Variants in FKBP6 observed in about 807,000 individuals in gnomAD.
FKBP6 encodes FKBP prolyl isomerase family member 6 (inactive).
A neutral mutation model predicts 41.7 loss-of-function variants in FKBP6; 29 were observed. The ratio of observed to expected loss-of-function variants is 0.70; its 90% CI spans 0.52 to 0.95. The LOEUF (loss-of-function observed/expected upper bound fraction) is 0.95. FKBP6 is among the 40% of genes least tolerant of loss of function. FKBP6 has a pLI of 0.00. For synonymous variants in FKBP6, 130 were observed against 165.1 expected, an observed-to-expected ratio of 0.79 and a Z score of 1.63; for missense variants, 338 against 408.7, an observed-to-expected ratio of 0.83 and a Z score of 1.49.
Position 73,340,669 on chromosome 7 carries a change from C to T in FKBP6, c.620C>T (p.Pro207Leu), listed in dbSNP as rs1324624200. Residue 207 changes from proline to leucine, a missense_variant, in exon 6 of 9, where the codon CCC becomes CTC. Physicochemically the swap from Pro to Leu is moderately conservative, Grantham distance 98. Transcript: ENST00000252037. ...TTGCTTCTGCGCCGGCGATCAGCAC[C>T]CCCTGAAGAGCAGCACCTGGTGGAG... The part of the protein sequence containing the change: ...ALLLLRRRSA[P>L]PEEQHLVEAA... 19 of 1,613,702 alleles carry T rather than the reference C, an allele frequency of 1.2e-5. No individual in the cohort carries two copies. Among genetic ancestry groups the T allele is most frequent in the Non-Finnish European group, 1.6e-5 (19 of 1,180,012 alleles).
chr7:73,356,356 A>G (rs1196092652), intron 8 of FKBP6, among the ~76,000 whole-genome samples: 1 of 152,168 alleles, frequency 6.6e-6, no homozygotes, highest in Non-Finnish European at 1.5e-5. Context: ...GTGACAGTCA[A>G]AGTCCTATCA....
intron 5 of FKBP6, 60 bp from the exon 6 acceptor site, chr7:73,340,578 T>C: frequency 7.0e-7 from 1 of 1,431,274 alleles, no homozygotes; most frequent in Non-Finnish European, 9.8e-7. Context: ...GTGTGGATTC[T>C]TTAGGGTTTT....
chr7:73,334,664 C>T (rs535041950), intron 5 of FKBP6, among the ~76,000 whole-genome samples: 2 of 152,130 alleles, frequency 1.3e-5, no homozygotes, highest in Non-Finnish European at 2.9e-5. Context: ...TGTTCTTCCC[C>T]TCCCTAGCAT....
At chr7:73,329,168 A>G (rs1163747247) in intron 2 of FKBP6, among the ~76,000 whole-genome samples, 192 bp from the exon 3 acceptor site, 1 of 152,114 alleles carries the variant, frequency 6.6e-6, no homozygotes, top group Non-Finnish European at 1.5e-5. Context: ...ATGCTTCCGC[A>G]AAGCTCTTGA....
chr7:73,346,371 G>A (rs1200261787), intron 8 of FKBP6, among the ~76,000 whole-genome samples: 1 of 152,200 alleles, frequency 6.6e-6, no homozygotes, highest in Non-Finnish European at 1.5e-5. Context: ...TGCAGGGATT[G>A]GGGGTCTAAA....
Position 73,341,282 on chromosome 7 carries a change from C to G in FKBP6, c.793C>G (p.Leu265Val). ...TCTCTCCTTGGGACAGGCTTGTCTT[C>G]TCCTGACTGAGTATCAAAAGGCCCG... ...ALFRCGQACL[L>V]LTEYQKARDF... Residue 265 changes from leucine (L) to valine (V), a missense_variant, in exon 7 of 9, where the codon CTC (leucine) becomes GTC (valine). Transcript: ENST00000252037. 1 of 1,609,328 alleles carries G rather than the reference C, an allele frequency of 6.2e-7. No individual in the cohort carries two copies.
rs529042875 is a variant in FKBP6 at position 73,343,607 on chromosome 7, C to T, written c.*2+708C>T. 9.9e-5 allele frequency among the ~76,000 whole-genome samples: 15 copies of T among 152,246 alleles called. No individual in the cohort carries two copies. In the South Asian group the frequency reaches 2.9e-3, roughly 29 times the overall value. On this transcript the variant is annotated intron_variant, in intron 8 of 8. Transcript: ENST00000252037. Reference sequence around the variant, plus strand: ...CTTAGAGATTTGAAGATGCTGAAAGCAACAGGGAGCGGAATATAGCATTCC... The same window carrying T: ...CTTAGAGATTTGAAGATGCTGAAAGTAACAGGGAGCGGAATATAGCATTCC...
intron 8 of FKBP6, among the ~76,000 whole-genome samples, chr7:73,357,100 C>G (rs1312514362): frequency 6.6e-6 from 1 of 151,866 alleles, no homozygotes; most frequent in Non-Finnish European, 1.5e-5. Flanking sequence ...ATGTCTTATT[C>G]AGAGCCTGAT....
At chr7:73,331,935 C>G (rs1554547768) in intron 5 of FKBP6, among the ~76,000 whole-genome samples, 159 bp downstream of exon 5, 1 of 152,114 alleles carries the variant, frequency 6.6e-6, no homozygotes, top group Non-Finnish European at 1.5e-5. Context: ...GCAATCTCAG[C>G]TCACTGCAAG....
At chr7:73,341,866 G>A (rs955502973) in intron 7 of FKBP6, among the ~76,000 whole-genome samples, 12 of 151,726 alleles carry the variant, frequency 7.9e-5, no homozygotes, top group African/African-American at 2.4e-4. Context: ...GGGTTTCACC[G>A]TGTTGACCAG....
chr7:73,352,334 TA>T (rs1805513358), intron 8 of FKBP6, among the ~76,000 whole-genome samples: 2 of 152,188 alleles, frequency 1.3e-5, no homozygotes, highest in Non-Finnish European at 2.9e-5. Context: ...GATATCGGCT[TA>T]GTCTGTTTTT....
At chr7:73,343,442 C>T (rs987264829) in intron 8 of FKBP6, among the ~76,000 whole-genome samples, 1 of 152,062 alleles carries the variant, frequency 6.6e-6, no homozygotes, top group Non-Finnish European at 1.5e-5. Context: ...TGGGCTTTGA[C>T]GTGTCAAGCT....
At chr7:73,351,561 T>A (rs1805491367) in intron 8 of FKBP6, among the ~76,000 whole-genome samples, 1 of 152,154 alleles carries the variant, frequency 6.6e-6, no homozygotes, top group African/African-American at 2.4e-5. Context: ...CCTGAAGTCA[T>A]CCCTTTGTTG....
Position 73,331,695 on chromosome 7 carries a change from A to G in FKBP6, c.507A>G (p.Lys169=), listed in dbSNP as rs1314531788. Residue 169 remains lysine, a synonymous_variant, in exon 5 of 9, where the codon AAA becomes AAG. Coordinates refer to ENST00000252037, the MANE Select transcript of FKBP6 (RefSeq NM_003602.5). ...QDQFPLQKVL[K]VAATEREFGN... ...AATTTCCACTTCAGAAGGTCCTGAA[A>G]GTGGCAGCTACGGAACGGGAGTTTG... 2.5e-6 allele frequency: 4 copies of G among 1,613,902 alleles called. No homozygotes were observed. Among genetic ancestry groups the G allele is most frequent in the Non-Finnish European group, 2.5e-6 (3 of 1,179,900 alleles).
chr7:73,329,553 T>G, intron 3 of FKBP6, 104 bp downstream of exon 3: 1 of 813,768 alleles, frequency 1.2e-6, no homozygotes, highest in South Asian at 1.3e-5. Context: ...TTCTTTGAGT[T>G]GGCTTTGCTG....
chr7:73,338,536 T>A (rs880002772), intron 5 of FKBP6, among the ~76,000 whole-genome samples: 7 of 152,214 alleles, frequency 4.6e-5, no homozygotes, highest in Non-Finnish European at 1.0e-4. Flanking sequence ...ACTGTCAAAA[T>A]TTTTGAGGAA....
chr7:73,341,767 G>A (rs548655212), intron 7 of FKBP6, among the ~76,000 whole-genome samples: 1 of 150,628 alleles, frequency 6.6e-6, no homozygotes, highest in Non-Finnish European at 1.5e-5. Context: ...GAGTTCAGAC[G>A]ATTCTCCTGT....
Position 73,341,327 on chromosome 7 carries a change from C to G in FKBP6, c.838C>G (p.Gln280Glu). ...GGCCCGGGATTTTCTAGTTCGAGCC[C>G]AGAAGGAGCAACCCTTCAATCATGA... ...QKARDFLVRA[Q>E]KEQPFNHDIN... The change falls in exon 7 of 9, where the codon CAG becomes GAG. Residue 280 changes from glutamine (Q) to glutamate (E), a missense_variant. Transcript: ENST00000252037. 1 of 1,613,872 alleles carries G rather than the reference C, an allele frequency of 6.2e-7. No homozygotes were observed. The highest frequency in any genetic ancestry group is 8.5e-7 in the Non-Finnish European group (1 of 1,179,768).
At chr7:73,354,461 A>C (rs1403307966) in intron 8 of FKBP6, among the ~76,000 whole-genome samples, 1 of 152,172 alleles carries the variant, frequency 6.6e-6, no homozygotes, top group Non-Finnish European at 1.5e-5. Context: ...GCCGCCTGGC[A>C]GGAGTGGAAG....
Sources: allele counts gnomAD v4.1 joint callset (sites outside exome capture counted in the v4.1 genomes callset), GRCh38; gene constraint gnomAD v4.1.1; transcripts MANE v1.5; gene names NCBI Gene and HGNC (gene_info 2026-07-23, HGNC 2026-07-21).